Variants in GON4L observed in about 807,000 individuals in gnomAD.
GON4L encodes GON-4-like protein.
Under a neutral mutation model 211.8 loss-of-function variants are expected in GON4L, and 87 were observed. The ratio of observed to expected loss-of-function variants is 0.41; its 90% CI spans 0.35 to 0.49. GON4L has a LOEUF of 0.49. Among genes scored for constraint, GON4L ranks in the 20% least tolerant of loss-of-function variants. The probability of loss-of-function intolerance (pLI) is 0.15; values close to 1 mark genes in which losing one functional copy is unlikely to be tolerated. For synonymous variants in GON4L, 875 were observed against 962.6 expected, an observed-to-expected ratio of 0.91 and a Z score of 1.68; for missense variants, 2,155 against 2,659.5, an observed-to-expected ratio of 0.81 and a Z score of 4.17.
intron 31 of GON4L, 125 bp from the exon 32 acceptor site, chr1:155,750,858 G>T: frequency 1.1e-6 from 1 of 873,566 alleles, no homozygotes; most frequent in Non-Finnish European, 1.8e-6. Context: ...CCGTCTCCTG[G>T]GTTCAAGCAA....
chr1:155,754,366 T>G lies in GON4L; in HGVS notation c.5631+9A>C. 1 of 1,551,356 alleles carries G rather than the reference T, an allele frequency of 6.4e-7. No individual in the cohort carries two copies. ...CTGATACCCTCGGGACCCTTGATAC[T>G]TTCCTCACCTTGCTGCTACAGTGGC... On this transcript the variant is annotated intron_variant, in intron 28 of 31. Coordinates refer to ENST00000368331, the MANE Select transcript of GON4L (RefSeq NM_001282860.2).
intron 7 of GON4L, 91 bp downstream of exon 7, chr1:155,816,121 T>A (rs1668217234): frequency 4.1e-6 from 3 of 732,462 alleles, no homozygotes; most frequent in Non-Finnish European, 7.3e-6. Flanking sequence ...AAACAAAGAT[T>A]GATCAAGAAA....
chr1:155,821,231 G>C (rs532130501), intron 5 of GON4L, among the ~76,000 whole-genome samples: 3 of 151,384 alleles, frequency 2.0e-5, no homozygotes, highest in Non-Finnish European at 2.9e-5. Context: ...GCGCCACTGC[G>C]CTCCAGCCTG....
At position 155,765,792 on chromosome 1, in the gene GON4L, C is replaced by T. The variant is rs759665238; in HGVS notation, c.3681G>A (p.Val1227=). Residue 1227 remains valine (V), a synonymous_variant, in exon 21 of 32, where the codon GTG becomes GTA. Coordinates refer to ENST00000368331, the MANE Select transcript of GON4L (RefSeq NM_001282860.2). The stretch of plus-strand genomic sequence containing the variant: ...CCACAGCACAAGCAATGTCCACATT[C>T]ACGTGGGCCTTATCTTCAGGGGTGG... ...IPSTPEDKAH[V]NVDIACAVAD... is the part of the protein sequence containing the mutation. 8 of 1,614,076 alleles carry T rather than the reference C, an allele frequency of 5.0e-6. No homozygotes were observed. In the East Asian group the frequency reaches 1.6e-4, roughly 31 times the overall value.
Position 155,820,603 on chromosome 1 carries a change from T to C in GON4L, c.1014+3A>G. 4 of 1,601,862 alleles carry C rather than the reference T, an allele frequency of 2.5e-6. No homozygotes were observed. Among genetic ancestry groups the C allele is most frequent in the East Asian group, 2.2e-5 (1 of 44,810 alleles). On this transcript the variant is annotated splice_donor_region_variant and intron_variant, in intron 6 of 31. Transcript: ENST00000368331. ...ACCAACAACAAAAAAACAGAATACT[T>C]ACCACTCCTTTTTCCACTACTTCCT...
intron 18 of GON4L, among the ~76,000 whole-genome samples, chr1:155,771,858 A>AT (rs1663223266): frequency 6.6e-6 from 1 of 152,162 alleles, no homozygotes; most frequent in African/African-American, 2.4e-5. Flanking sequence ...GTGAGTACTG[A>AT]TTAAGTATTA....
chr1:155,827,700 A>C lies in GON4L; in HGVS notation c.506-672T>G, dbSNP rs546415688. Among the ~76,000 whole-genome samples, 84 of 10,342 alleles carry C rather than the reference A, an allele frequency of 8.1e-3. 1 individual carries two copies. The highest frequency in any genetic ancestry group is 9.1e-3 in the African/African-American group (83 of 9,150). 6.8% of individuals were successfully genotyped at this position (10,342 alleles called of 152,430 possible). A position where few individuals can be genotyped will look rare whatever the true frequency, so the allele number is the denominator to read the frequency against. On this transcript the variant is annotated intron_variant, in intron 2 of 31. Transcript: ENST00000368331. ...GACCCCGTCACACACACACACACAC[A>C]AAAAAAAAAGCCAGGTGCTTATAGT...
intron 12 of GON4L, among the ~76,000 whole-genome samples, chr1:155,791,920 AAC>A (rs1557867463): frequency 0.013 from 1,686 of 128,008 alleles, 33 homozygotes; most frequent in African/African-American, 0.036. Flanking sequence ...AACATAACAT[AAC>A]ATCACATAAC....
downstream of GON4L, chr1:155,748,467 G>A (rs570825100): frequency 6.2e-6 from 10 of 1,610,152 alleles, no homozygotes; most frequent in African/African-American, 5.3e-5. Flanking sequence ...GTTCCTTATC[G>A]CCTGTGTTCC....
intron 7 of GON4L, 30 bp from the exon 8 acceptor site, chr1:155,815,930 G>T: frequency 7.9e-7 from 1 of 1,261,414 alleles, no homozygotes; most frequent in Non-Finnish European, 1.2e-6. Flanking sequence ...AAGAAATGAA[G>T]TAATGGGAAA....
chr1:155,817,994 A>T (rs1571850096), intron 6 of GON4L, among the ~76,000 whole-genome samples: 1 of 151,932 alleles, frequency 6.6e-6, no homozygotes, highest in East Asian at 1.9e-4. Context: ...TCTCCTACGT[A>T]AACTATACCG....
upstream of GON4L, among the ~76,000 whole-genome samples, chr1:155,858,622 A>G (rs1027916773): frequency 7.2e-6 from 1 of 138,758 alleles, no homozygotes; most frequent in Non-Finnish European, 1.5e-5. Flanking sequence ...TAACTTTGGC[A>G]CTTTTCATTA....
intron 24 of GON4L, 69 bp downstream of exon 24, chr1:155,760,375 A>G: frequency 9.5e-6 from 9 of 950,660 alleles, no homozygotes; most frequent in Non-Finnish European, 1.3e-5. Flanking sequence ...AGTCTTATTC[A>G]ACCCCATTCA....
Position 155,763,335 on chromosome 1 carries a change from A to G in GON4L, c.4703T>C (p.Val1568Ala), listed in dbSNP as rs1205548907. The G allele has an allele frequency of 1.9e-5, 31 of 1,613,926 alleles. No homozygotes were observed. The highest frequency in any genetic ancestry group is 2.5e-5 in the Non-Finnish European group (30 of 1,179,838). ...TFASPETAPE[V>A]ETSRTPPGES... is the part of the protein sequence containing the mutation. Reference sequence around the variant, plus strand: ...ACCTGGTGGAGTTCTGCTGGTCTCCACTTCTGGAGCAGTCTCAGGTGAAGC... The same window carrying G: ...ACCTGGTGGAGTTCTGCTGGTCTCCGCTTCTGGAGCAGTCTCAGGTGAAGC... The change falls in exon 22 of 32, where the codon GTG becomes GCG. Residue 1568 changes from valine (V) to alanine (A), a missense_variant. By Grantham distance (64) the Val-to-Ala change is moderately conservative. Coordinates refer to ENST00000368331, the MANE Select transcript of GON4L (RefSeq NM_001282860.2).
rs559514470 is a variant in GON4L, at chr1:155,784,055, T to A, written c.1823A>T (p.Asp608Val). 6.2e-7 allele frequency: 1 copy of A among 1,614,112 alleles called. No individual in the cohort carries two copies. The highest frequency in any genetic ancestry group is 1.3e-5 in the African/African-American group (1 of 75,046). The change falls in exon 14 of 32, where the codon GAT becomes GTT. Residue 608 changes from aspartate to valine, a missense_variant. Transcript: ENST00000368331. ...QDEMGFSNME[D>V]DGPEEEECVA... The stretch of plus-strand genomic sequence containing the variant: ...ACACTCCTCCTCTTCTGGGCCATCA[T>A]CTTCCATGTTGGAGAATCCCATCTC...
chr1:155,752,826 TAA>T (rs1199109810), intron 29 of GON4L, among the ~76,000 whole-genome samples: 1 of 151,794 alleles, frequency 6.6e-6, no homozygotes, highest in Non-Finnish European at 1.5e-5. Context: ...ATATAAATAA[TAA>T]AAGAGTTGGG....
intron 11 of GON4L, among the ~76,000 whole-genome samples, chr1:155,803,314 G>A (rs1043394567): frequency 8.7e-5 from 13 of 149,960 alleles, no homozygotes; most frequent in African/African-American, 2.5e-4. Flanking sequence ...GCGCAATCTC[G>A]GCTCGCTACA....
At chr1:155,749,426 C>G, downstream of GON4L, 5 of 1,595,844 alleles carry the variant, frequency 3.1e-6, no homozygotes, top group Non-Finnish European at 4.3e-6. Flanking sequence ...AGCCTGGAGT[C>G]ATGAGGTCAG....
intron 3 of GON4L, among the ~76,000 whole-genome samples, chr1:155,823,872 G>A (rs1668939709): frequency 6.6e-6 from 1 of 151,970 alleles, no homozygotes; most frequent in Admixed American, 6.6e-5. Context: ...AAGCCTGGGC[G>A]ACGGAGCAAG....
Sources: gnomAD v4.1 joint callset for allele counts (sites outside exome capture counted in the v4.1 genomes callset) on GRCh38, gnomAD v4.1.1 for gene constraint, MANE v1.5 for transcripts, NCBI Gene and HGNC (gene_info 2026-07-23, HGNC 2026-07-21) for gene names.